The following BTBD9 variants were observed in gnomAD, a reference collection of about 807,000 sequenced individuals.
BTBD9 encodes BTB domain containing 9.
BTBD9 carries 49 observed loss-of-function variants against 64.3 expected under a neutral mutation model. That is an observed-to-expected ratio of 0.76 (90% confidence interval 0.61 to 0.97). The LOEUF is 0.97. Ranked by LOEUF, BTBD9 falls within the 50% of genes least tolerant of loss-of-function variation. The probability of loss-of-function intolerance (pLI) is 0.00; values close to 1 mark genes in which losing one functional copy is unlikely to be tolerated. For synonymous variants in BTBD9, 260 were observed against 274.7 expected, an observed-to-expected ratio of 0.95 and a Z score of 0.53; for missense variants, 598 against 762.1, an observed-to-expected ratio of 0.78 and a Z score of 2.53.
intron 6 of BTBD9, among the ~76,000 whole-genome samples, chr6:38,445,228 A>G (rs1769214399): frequency 2.0e-5 from 3 of 152,248 alleles, no homozygotes; most frequent in South Asian, 2.1e-4. Context: ...AGAGTGGTCT[A>G]TAACTACAGT....
At chr6:38,477,455 C>G (rs1224571565) in intron 6 of BTBD9, among the ~76,000 whole-genome samples, 1 of 152,188 alleles carries the variant, frequency 6.6e-6, no homozygotes, top group Non-Finnish European at 1.5e-5. Context: ...ATAAGATGCT[C>G]AGAAGCAAGA....
intron 7 of BTBD9, among the ~76,000 whole-genome samples, chr6:38,299,944 C>T (rs1762321428): frequency 6.6e-6 from 1 of 152,164 alleles, no homozygotes; most frequent in Non-Finnish European, 1.5e-5. Flanking sequence ...TGCCTATGTC[C>T]TGAATGGTAT....
chr6:38,384,786 C>T (rs16890611), intron 6 of BTBD9, among the ~76,000 whole-genome samples: 2,175 of 152,244 alleles, frequency 0.014, 56 homozygotes, highest in African/African-American at 0.049. Context: ...GGAATTTTGT[C>T]TCATCCTGTA....
chr6:38,233,475 G>A (rs1215874940), intron 9 of BTBD9, among the ~76,000 whole-genome samples: 2 of 152,184 alleles, frequency 1.3e-5, no homozygotes, highest in Non-Finnish European at 2.9e-5. Context: ...ATTCTGGAAA[G>A]AGCACACACC....
chr6:38,460,693 G>A lies in BTBD9; in HGVS notation c.1155-115600C>T, dbSNP rs528433410. On this transcript the variant is annotated intron_variant, in intron 6 of 10. Coordinates refer to ENST00000481247, the MANE Select transcript of BTBD9 (RefSeq NM_001099272.2). ...GGCTGGAGTGCAGTGGCGTGATCCC[G>A]GCTCACTGCAGCCTCTGCCTCCTGG... 3.3e-5 allele frequency among the ~76,000 whole-genome samples: 5 copies of A among 152,124 alleles called. No individual in the cohort carries two copies. The South Asian group carries it at 8.3e-4, about 25-fold the overall frequency.
intron 6 of BTBD9, among the ~76,000 whole-genome samples, chr6:38,484,204 AG>A (rs1297617507): frequency 6.6e-6 from 1 of 152,246 alleles, no homozygotes; most frequent in African/African-American, 2.4e-5. Context: ...ACTAGTGCAC[AG>A]GGAAATCAGA....
chr6:38,244,519 T>C (rs533253797), intron 9 of BTBD9, among the ~76,000 whole-genome samples: 12 of 152,148 alleles, frequency 7.9e-5, no homozygotes, highest in African/African-American at 2.6e-4. Flanking sequence ...AGAGAAGCAA[T>C]TGAAACATTA....
chr6:38,569,302 G>T (rs541405426), intron 6 of BTBD9, among the ~76,000 whole-genome samples: 1 of 152,240 alleles, frequency 6.6e-6, no homozygotes, highest in South Asian at 2.1e-4. Flanking sequence ...AATATAGCAC[G>T]TGTTCAATAA....
At chr6:38,209,059 A>G (rs1287487132) in intron 9 of BTBD9, among the ~76,000 whole-genome samples, 1 of 152,202 alleles carries the variant, frequency 6.6e-6, no homozygotes, top group Non-Finnish European at 1.5e-5. Context: ...ACATTGGGAA[A>G]TTTCACAGCA....
At chr6:38,314,196 TTTTA>T (rs969852460) in intron 7 of BTBD9, among the ~76,000 whole-genome samples, 2 of 151,962 alleles carry the variant, frequency 1.3e-5, no homozygotes, top group African/African-American at 4.8e-5. Context: ...TTTTATTTTA[TTTTA>T]TTTATTTATT....
Position 38,374,164 on chromosome 6 carries a change from G to A in BTBD9, c.1155-29071C>T, listed in dbSNP as rs1342737809. Among the ~76,000 whole-genome samples, 7 of 150,172 alleles carry A rather than the reference G, an allele frequency of 4.7e-5. 2 individuals carry two copies. Among genetic ancestry groups the A allele is most frequent in the Admixed American group, 4.0e-4 (6 of 15,056 alleles). On this transcript the variant is annotated intron_variant, in intron 6 of 10. Transcript: ENST00000481247. Reference sequence around the variant, plus strand: ...CACGCTTGTAATCCCAGTTACTTGGGAGGCTGAGGCAGGAGAATCGCTTGA... The same window carrying A: ...CACGCTTGTAATCCCAGTTACTTGGAAGGCTGAGGCAGGAGAATCGCTTGA...
rs1201557294 is a variant in BTBD9 at position 38,622,719 on chromosome 6, CT to C, written c.-28+17080del. On this transcript the variant is annotated intron_variant, in intron 1 of 10. Coordinates refer to ENST00000481247, the MANE Select transcript of BTBD9 (RefSeq NM_001099272.2). ...ATGCAACCTGTTATCAGGCCTGCCCCTGGGGCACCTACTATCCCATCAGTGT... is the reference window on the plus strand; with the variant it reads ...ATGCAACCTGTTATCAGGCCTGCCCCGGGGCACCTACTATCCCATCAGTGT... Among the ~76,000 whole-genome samples the C allele has an allele frequency of 2.6e-5, 4 of 152,326 alleles. No individual in the cohort carries two copies. The East Asian group carries it at 5.8e-4, about 22-fold the overall frequency.
chr6:38,631,867 G>A (rs1178054616), intron 1 of BTBD9, among the ~76,000 whole-genome samples: 8 of 152,216 alleles, frequency 5.3e-5, no homozygotes, highest in African/African-American at 7.2e-5. Flanking sequence ...GGTGGCTCAC[G>A]CCTGTAATCC....
intron 9 of BTBD9, among the ~76,000 whole-genome samples, chr6:38,208,659 A>G (rs1279379230): frequency 1.3e-5 from 2 of 152,160 alleles, no homozygotes; most frequent in Non-Finnish European, 2.9e-5. Flanking sequence ...GTGGAGACTC[A>G]GTGTGCAGGC....
intron 6 of BTBD9, among the ~76,000 whole-genome samples, chr6:38,453,584 T>C (rs1299548137): frequency 6.6e-6 from 1 of 152,176 alleles, no homozygotes; most frequent in East Asian, 1.9e-4. Context: ...ATGACAAGTT[T>C]TTTTAAAATG....
In BTBD9 at chr6:38,598,066, A is replaced by C; in HGVS notation, c.29T>G (p.Phe10Cys). The C allele has an allele frequency of 6.2e-7, 1 of 1,613,916 alleles. No individual in the cohort carries two copies. Among genetic ancestry groups the C allele is most frequent in the East Asian group, 2.2e-5 (1 of 44,890 alleles). The change falls in exon 2 of 11, where the codon TTT (phenylalanine) becomes TGT (cysteine). Residue 10 changes from phenylalanine to cysteine, a missense_variant. Coordinates refer to ENST00000481247, the MANE Select transcript of BTBD9 (RefSeq NM_001099272.2). MSNSHPLRP[F>C]TAVGEIDHVH... The stretch of plus-strand genomic sequence containing the variant: ...ATGATCAATTTCCCCCACTGCAGTA[A>C]AGGGGCGAAGAGGGTGGCTGTTACT...
intron 6 of BTBD9, among the ~76,000 whole-genome samples, chr6:38,368,994 G>A (rs1326120700): frequency 6.6e-6 from 1 of 152,120 alleles, no homozygotes; most frequent in Non-Finnish European, 1.5e-5. Context: ...ACTCAAACCT[G>A]CTTCCAGATT....
At chr6:38,608,756 A>G (rs950165883) in intron 1 of BTBD9, among the ~76,000 whole-genome samples, 1 of 152,258 alleles carries the variant, frequency 6.6e-6, no homozygotes, top group Non-Finnish European at 1.5e-5. Flanking sequence ...TTTGTACAAC[A>G]TAAAATATTG....
At chr6:38,408,081 G>C (rs1767247877) in intron 6 of BTBD9, among the ~76,000 whole-genome samples, 1 of 152,202 alleles carries the variant, frequency 6.6e-6, no homozygotes, top group African/African-American at 2.4e-5. Flanking sequence ...CACTGGCAAA[G>C]CGTGGTGGCT....
Sources: allele counts gnomAD v4.1 joint callset (sites outside exome capture counted in the v4.1 genomes callset), GRCh38; gene constraint gnomAD v4.1.1; transcripts MANE v1.5; gene names NCBI Gene and HGNC (gene_info 2026-07-23, HGNC 2026-07-21).